Variants in ADAMTS6 observed in about 807,000 individuals in gnomAD.
The protein encoded by ADAMTS6 is A disintegrin and metalloproteinase with thrombospondin motifs 6.
ADAMTS6 carries 23 observed loss-of-function variants against 144.3 expected under a neutral mutation model. The ratio of observed to expected loss-of-function variants is 0.16; its 90% CI spans 0.11 to 0.23. The LOEUF (loss-of-function observed/expected upper bound fraction) is 0.23. ADAMTS6 is among the 10% of genes least tolerant of loss of function. The probability of loss-of-function intolerance (pLI) is 1.00; values close to 1 mark genes in which losing one functional copy is unlikely to be tolerated. For missense variants in ADAMTS6, 999 were observed against 1,379.6 expected (o/e 0.72, Z 4.37); for synonymous variants, 444 against 457.5 (o/e 0.97, Z 0.38).
intron 15 of ADAMTS6, among the ~76,000 whole-genome samples, chr5:65,234,400 T>C (rs1314161989): frequency 1.4e-4 from 2 of 14,214 alleles, no homozygotes; most frequent in Non-Finnish European, 3.8e-4. Flanking sequence ...TACAACTCAA[T>C]AGTAAAAAAA....
chr5:65,226,484 T>A (rs1039774660), intron 15 of ADAMTS6, among the ~76,000 whole-genome samples: 1 of 151,648 alleles, frequency 6.6e-6, no homozygotes, highest in Non-Finnish European at 1.5e-5. Context: ...TATATATTTA[T>A]AATGTATTTT....
At chr5:65,440,707 A>T (rs1367947414) in intron 7 of ADAMTS6, among the ~76,000 whole-genome samples, 1 of 152,212 alleles carries the variant, frequency 6.6e-6, no homozygotes, top group Non-Finnish European at 1.5e-5. Flanking sequence ...CACTTACACA[A>T]CATTAAATAT....
intron 3 of ADAMTS6, among the ~76,000 whole-genome samples, chr5:65,468,764 T>G (rs951254039): frequency 3.3e-5 from 5 of 152,220 alleles, no homozygotes; most frequent in Non-Finnish European, 7.3e-5. Context: ...ATTTTCAACT[T>G]TATTCTCACT....
chr5:65,425,109 G>C (rs760670579), intron 7 of ADAMTS6, among the ~76,000 whole-genome samples: 3 of 152,098 alleles, frequency 2.0e-5, no homozygotes, highest in Non-Finnish European at 4.4e-5. Flanking sequence ...CGATTCTCCT[G>C]CTTCAACCTC....
intron 4 of ADAMTS6, 131 bp from the exon 5 acceptor site, chr5:65,453,049 A>C: frequency 1.5e-6 from 1 of 651,994 alleles, no homozygotes; most frequent in Non-Finnish European, 2.4e-6. Context: ...GAATGAGAAA[A>C]TGCAGTAGTG....
intron 11 of ADAMTS6, among the ~76,000 whole-genome samples, chr5:65,279,806 CCT>C (rs1561370473): frequency 6.6e-6 from 1 of 152,170 alleles, no homozygotes; most frequent in Non-Finnish European, 1.5e-5. Flanking sequence ...TATTTCTTAA[CCT>C]CTCTTAGATA....
In ADAMTS6 at chr5:65,387,009, A is replaced by G. The variant is rs573507684; in HGVS notation, c.1074-52924T>C. Among the ~76,000 whole-genome samples, 3 of 152,380 alleles carry G rather than the reference A, an allele frequency of 2.0e-5. No homozygotes were observed. In the East Asian group the frequency reaches 5.8e-4, roughly 29 times the overall value. On this transcript the variant is annotated intron_variant, in intron 7 of 24. Coordinates refer to ENST00000381055, the MANE Select transcript of ADAMTS6 (RefSeq NM_197941.4). ...TCACTGTATTTGCTATGGAAAGAAG[A>G]ACAATAATGCAAGCCAATTTATATT...
rs1336801787 is a variant in ADAMTS6 at position 65,390,837 on chromosome 5, T to A, written c.1074-56752A>T. On this transcript the variant is annotated intron_variant, in intron 7 of 24. Transcript: ENST00000381055. ...TGTTCACTTTGGTGCTCATAAAGAATCTCCTTCATGTCTTTATGTGATATA... is the reference window on the plus strand; with the variant it reads ...TGTTCACTTTGGTGCTCATAAAGAAACTCCTTCATGTCTTTATGTGATATA... Among the ~76,000 whole-genome samples the A allele has an allele frequency of 2.0e-5, 3 of 152,286 alleles. No individual in the cohort carries two copies. The East Asian group carries it at 5.8e-4, about 29-fold the overall frequency.
chr5:65,380,874 T>C (rs1751982331), intron 7 of ADAMTS6, among the ~76,000 whole-genome samples: 1 of 152,200 alleles, frequency 6.6e-6, no homozygotes, highest in Non-Finnish European at 1.5e-5. Flanking sequence ...ACCATCTGTC[T>C]TATAATTTTT....
chr5:65,255,410 A>G (rs538858161), intron 14 of ADAMTS6, among the ~76,000 whole-genome samples: 1 of 151,730 alleles, frequency 6.6e-6, no homozygotes, highest in South Asian at 2.1e-4. Flanking sequence ...CTCCCCTTCC[A>G]CCCTTTCCCC....
At chr5:65,226,723 C>T (rs1278228444) in intron 15 of ADAMTS6, among the ~76,000 whole-genome samples, 2 of 151,768 alleles carry the variant, frequency 1.3e-5, no homozygotes, top group African/African-American at 4.8e-5. Context: ...GCTGGGATTA[C>T]AGGCACCTGC....
chr5:65,372,387 G>C (rs1751046086), intron 7 of ADAMTS6, among the ~76,000 whole-genome samples: 2 of 151,802 alleles, frequency 1.3e-5, no homozygotes, highest in Non-Finnish European at 2.9e-5. Flanking sequence ...GCACACATAG[G>C]CTCAAAATAA....
rs372744442 is a variant in ADAMTS6, at chr5:65,291,336, T to C, written c.1505A>G (p.Lys502Arg). The C allele has an allele frequency of 1.9e-6, 3 of 1,613,110 alleles. No individual in the cohort carries two copies. The highest frequency in any genetic ancestry group is 2.7e-5 in the African/African-American group (2 of 74,868). ...FQYGATSRQC[K>R]YGEVCRELWC... The stretch of plus-strand genomic sequence containing the variant: ...AGGATGAAGACTTCTTACCCCATAT[T>C]TACATTGGCGGGAGGTTGCTCCATA... Residue 502 changes from lysine (K) to arginine (R), a missense_variant, in exon 11 of 25, where the codon AAA becomes AGA. Coordinates refer to ENST00000381055, the MANE Select transcript of ADAMTS6 (RefSeq NM_197941.4).
Position 65,152,993 on chromosome 5 carries a change from C to T in ADAMTS6, c.3245-1048G>A, listed in dbSNP as rs535463361. 2.6e-5 allele frequency among the ~76,000 whole-genome samples: 4 copies of T among 152,196 alleles called. No individual in the cohort carries two copies. The East Asian group carries it at 7.7e-4, about 29-fold the overall frequency. ...ATCAGGCTGGGCAGTGGGTAATGTT[C>T]AGTGTTACAGACAGTTTTTGTTGTT... On this transcript the variant is annotated intron_variant, in intron 24 of 24. Coordinates refer to ENST00000381055, the MANE Select transcript of ADAMTS6 (RefSeq NM_197941.4).
chr5:65,191,733 A>C (rs1022011383), intron 21 of ADAMTS6, among the ~76,000 whole-genome samples: 3 of 152,150 alleles, frequency 2.0e-5, no homozygotes, highest in Non-Finnish European at 1.5e-5. Context: ...GCTAATTGGA[A>C]AGTGAAACTA....
At chr5:65,404,089 A>G (rs1223130138) in intron 7 of ADAMTS6, among the ~76,000 whole-genome samples, 1 of 152,160 alleles carries the variant, frequency 6.6e-6, no homozygotes, top group East Asian at 1.9e-4. Context: ...ATAAACCATG[A>G]CAAAATTTTA....
intron 24 of ADAMTS6, among the ~76,000 whole-genome samples, chr5:65,160,466 C>T (rs1752693283): frequency 1.3e-5 from 2 of 151,830 alleles, no homozygotes; most frequent in Admixed American, 1.3e-4. Flanking sequence ...ACCACCACGC[C>T]CGGCTAATTT....
At chr5:65,325,537 T>G (rs1351273121) in intron 9 of ADAMTS6, among the ~76,000 whole-genome samples, 1 of 151,102 alleles carries the variant, frequency 6.6e-6, no homozygotes, top group Non-Finnish European at 1.5e-5. Flanking sequence ...TCACCCAGAA[T>G]GGAGTGCGGT....
At chr5:65,225,164 G>T in intron 16 of ADAMTS6, 117 bp from the exon 17 acceptor site, 1 of 1,184,856 alleles carries the variant, frequency 8.4e-7, no homozygotes, top group Non-Finnish European at 1.1e-6. Flanking sequence ...AGAAAAATAA[G>T]GTAATCCGTG....
Sources: gnomAD v4.1 joint callset for allele counts (sites outside exome capture counted in the v4.1 genomes callset) on GRCh38, gnomAD v4.1.1 for gene constraint, MANE v1.5 for transcripts, NCBI Gene and HGNC (gene_info 2026-07-23, HGNC 2026-07-21) for gene names.